Variants in COL14A1 observed in about 807,000 individuals in gnomAD.
The protein encoded by COL14A1 is collagen alpha-1(XIV) chain.
In COL14A1, 136 loss-of-function variants were observed where a neutral mutation model predicts 230.3. The ratio of observed to expected loss-of-function variants is 0.59; its 90% CI spans 0.51 to 0.68. COL14A1 has a LOEUF of 0.68. COL14A1 is among the 30% of genes least tolerant of loss of function. COL14A1 has a pLI of 0.00. For synonymous variants in COL14A1, 792 were observed against 784.1 expected (o/e 1.01, Z -0.17); for missense variants, 1,976 against 2,215.8 (o/e 0.89, Z 2.17).
intron 36 of COL14A1, among the ~76,000 whole-genome samples, chr8:120,304,553 A>G (rs969115184): frequency 2.6e-5 from 4 of 152,230 alleles, no homozygotes; most frequent in South Asian, 2.1e-4. Flanking sequence ...TTGTCTTCCT[A>G]TTGGCTTGTT....
In COL14A1 at chr8:120,270,030, T is replaced by G. The variant is rs1819611768; in HGVS notation, c.3074-5T>G. On this transcript the variant is annotated splice_polypyrimidine_tract_variant and splice_region_variant and intron_variant, in intron 25 of 47. Coordinates refer to ENST00000297848, the MANE Select transcript of COL14A1 (RefSeq NM_021110.4). The stretch of plus-strand genomic sequence containing the variant: ...TCTGACTCAAAATTCATTGTTGGTC[T>G]TCAGTATGTAAGGCGGCCAAGGCTG... 2 of 1,610,382 alleles carry G rather than the reference T, an allele frequency of 1.2e-6. No homozygotes were observed.
chr8:120,314,413 TA>T (rs1563732985), intron 38 of COL14A1, among the ~76,000 whole-genome samples: 1 of 152,344 alleles, frequency 6.6e-6, no homozygotes, highest in East Asian at 1.9e-4. Context: ...TATAAATTAA[TA>T]AAAGCCATTT....
At chr8:120,286,163 A>AT (rs369046341) in intron 33 of COL14A1, among the ~76,000 whole-genome samples, 193 bp downstream of exon 33, 20,055 of 145,786 alleles carry the variant, frequency 0.14, 1,434 homozygotes, top group Non-Finnish European at 0.16. Context: ...TGAAATGTGC[A>AT]TTTTTTTTTT....
chr8:120,261,151 C>T (rs1025505994), intron 23 of COL14A1, among the ~76,000 whole-genome samples: 4 of 152,092 alleles, frequency 2.6e-5, no homozygotes, highest in Admixed American at 1.3e-4. Flanking sequence ...GATGGATATT[C>T]CAATTACCTG....
intron 4 of COL14A1, among the ~76,000 whole-genome samples, chr8:120,164,422 T>C (rs1292636906): frequency 1.3e-5 from 2 of 152,186 alleles, no homozygotes; most frequent in East Asian, 3.9e-4. Flanking sequence ...CCTCCCTTTT[T>C]TCTCTTCCTC....
intron 2 of COL14A1, among the ~76,000 whole-genome samples, chr8:120,149,541 T>A (rs2130475982): frequency 6.6e-6 from 1 of 152,278 alleles, no homozygotes; most frequent in East Asian, 1.9e-4. Context: ...GCGGGCAAGT[T>A]GCTAAGCCCT....
intron 9 of COL14A1, among the ~76,000 whole-genome samples, chr8:120,204,325 A>G (rs1191229344): frequency 6.6e-6 from 1 of 152,030 alleles, no homozygotes; most frequent in African/African-American, 2.4e-5. Context: ...AGCCACACTC[A>G]CTTATATCCC....
intron 38 of COL14A1, among the ~76,000 whole-genome samples, chr8:120,315,014 A>G (rs1003839146): frequency 2.0e-5 from 3 of 152,358 alleles, no homozygotes; most frequent in Middle Eastern, 3.4e-3. Context: ...CTATCCTGGT[A>G]TATAAATGTT....
chr8:120,319,735 A>C (rs918137389), intron 40 of COL14A1, among the ~76,000 whole-genome samples: 2 of 152,088 alleles, frequency 1.3e-5, no homozygotes, highest in Admixed American at 1.3e-4. Flanking sequence ...CTTTTATTCA[A>C]CTCTGGGCCT....
chr8:120,353,330 G>T (rs1440542514), intron 45 of COL14A1, among the ~76,000 whole-genome samples: 2 of 59,760 alleles, frequency 3.3e-5, no homozygotes, highest in Non-Finnish European at 6.1e-5. Flanking sequence ...ATAGGCATGG[G>T]CAAGGACTTC....
rs755293106 is a variant in COL14A1 at position 120,315,526 on chromosome 8, T to C, written c.4552-7T>C. On this transcript the variant is annotated splice_region_variant and splice_polypyrimidine_tract_variant and intron_variant, in intron 38 of 47. Coordinates refer to ENST00000297848, the MANE Select transcript of COL14A1 (RefSeq NM_021110.4). ...GAACTTAACTCTGTATACTTTTGGA[T>C]ATTCAGGGAATGCCAGGAGAAAAAG... The C allele has an allele frequency of 1.2e-6, 2 of 1,611,558 alleles. No homozygotes were observed. Among genetic ancestry groups the C allele is most frequent in the East Asian group, 2.2e-5 (1 of 44,826 alleles).
intron 45 of COL14A1, among the ~76,000 whole-genome samples, chr8:120,360,148 G>A (rs1563756758): frequency 1.3e-5 from 2 of 152,160 alleles, no homozygotes; most frequent in Non-Finnish European, 2.9e-5. Context: ...TGGCTTTTCT[G>A]TGGAAATAGC....
intron 5 of COL14A1, among the ~76,000 whole-genome samples, chr8:120,170,507 G>T (rs1406238250): frequency 6.6e-6 from 1 of 151,890 alleles, no homozygotes; most frequent in African/African-American, 2.4e-5. Context: ...GTAGAGAATG[G>T]GGTCTGTAGG....
intron 47 of COL14A1, 102 bp from the exon 48 acceptor site, chr8:120,371,050 C>A: frequency 2.7e-6 from 3 of 1,115,212 alleles, no homozygotes; most frequent in South Asian, 3.1e-5. Context: ...TGCTTTTTAC[C>A]CAGCAGGATA....
chr8:120,356,209 A>G (rs1403448357), intron 45 of COL14A1, among the ~76,000 whole-genome samples: 2 of 152,348 alleles, frequency 1.3e-5, no homozygotes, highest in Non-Finnish European at 2.9e-5. Context: ...TTAAGCAACT[A>G]TGTGTCAATT....
chr8:120,307,856 A>C (rs1371320628), intron 36 of COL14A1, among the ~76,000 whole-genome samples: 2 of 152,226 alleles, frequency 1.3e-5, no homozygotes, highest in Admixed American at 1.3e-4. Context: ...ACAATATGAT[A>C]ATATATCTGC....
Position 120,184,684 on chromosome 8 carries a change from C to T in COL14A1, c.437-12107C>T, listed in dbSNP as rs533257897. Among the ~76,000 whole-genome samples the T allele has an allele frequency of 2.7e-4, 41 of 152,220 alleles. No individual in the cohort carries two copies. The South Asian group carries it at 7.7e-3, about 29-fold the overall frequency. ...AGTTCAAATCCAATGGCCTGAGAGC[C>T]AGGAGAGCTGATAGTATAAGTTCTA... On this transcript the variant is annotated intron_variant, in intron 5 of 47. Coordinates refer to ENST00000297848, the MANE Select transcript of COL14A1 (RefSeq NM_021110.4).
chr8:120,240,946 T>C (rs1346028716), intron 19 of COL14A1, among the ~76,000 whole-genome samples: 1 of 152,204 alleles, frequency 6.6e-6, no homozygotes, highest in Non-Finnish European at 1.5e-5. Context: ...GGCAATGACA[T>C]TGCCATACAT....
At chr8:120,188,128 G>T (rs911512430) in intron 5 of COL14A1, among the ~76,000 whole-genome samples, 2 of 151,238 alleles carry the variant, frequency 1.3e-5, no homozygotes, top group Non-Finnish European at 1.5e-5. Context: ...TGTCACCCAG[G>T]CTGGAGTGCA....
Sources: gnomAD v4.1 joint callset for allele counts (sites outside exome capture counted in the v4.1 genomes callset) on GRCh38, gnomAD v4.1.1 for gene constraint, MANE v1.5 for transcripts, NCBI Gene and HGNC (gene_info 2026-07-23, HGNC 2026-07-21) for gene names.